EIPR1: variants seen among roughly 807,000 people sequenced by gnomAD.
EIPR1 encodes EARP and GARP complex-interacting protein 1.
In EIPR1, 25 loss-of-function variants were observed where a neutral mutation model predicts 48.1. The ratio of observed to expected loss-of-function variants is 0.52; its 90% confidence interval spans 0.38 to 0.73. EIPR1 has a LOEUF of 0.73. Among genes scored for constraint, EIPR1 ranks in the 30% least tolerant of loss-of-function variants. The probability of loss-of-function intolerance (pLI) is 0.00; values close to 1 mark genes in which losing one functional copy is unlikely to be tolerated. For synonymous variants in EIPR1, 204 were observed against 201.9 expected (o/e 1.01, Z -0.09); for missense variants, 415 against 506.2 (o/e 0.82, Z 1.73).
intron 4 of EIPR1, among the ~76,000 whole-genome samples, chr2:3,222,781 T>C (rs1665938753): frequency 6.6e-6 from 1 of 152,176 alleles, no homozygotes; most frequent in Non-Finnish European, 1.5e-5. Context: ...GATGACATCG[T>C]GGATTCGCTT....
intron 8 of EIPR1, among the ~76,000 whole-genome samples, chr2:3,191,665 G>C (rs976033766): frequency 1.3e-5 from 2 of 152,202 alleles, no homozygotes; most frequent in African/African-American, 2.4e-5. Context: ...CAACTGAATT[G>C]CATCTAGTCA....
chr2:3,217,272 A>G (rs961312281), intron 4 of EIPR1, among the ~76,000 whole-genome samples: 10 of 152,240 alleles, frequency 6.6e-5, no homozygotes, highest in African/African-American at 1.4e-4. Flanking sequence ...TCACAAAGCC[A>G]TAAGAGCAAC....
chr2:3,230,487 T>C (rs7593573), intron 4 of EIPR1, among the ~76,000 whole-genome samples: 10 of 152,240 alleles, frequency 6.6e-5, no homozygotes, highest in Non-Finnish European at 1.3e-4. Context: ...CACATGAGGT[T>C]AGGTGTAAAA....
At chr2:3,227,838 G>A (rs1458305654) in intron 4 of EIPR1, among the ~76,000 whole-genome samples, 1 of 152,252 alleles carries the variant, frequency 6.6e-6, no homozygotes, top group Non-Finnish European at 1.5e-5. Flanking sequence ...GCTTCAGAGG[G>A]TATAAGCCCC....
chr2:3,355,234 C>G (rs1449695361), intron 1 of EIPR1, among the ~76,000 whole-genome samples: 2 of 152,212 alleles, frequency 1.3e-5, no homozygotes, highest in African/African-American at 4.8e-5. Flanking sequence ...AGAGCTTTGA[C>G]AGACTCGTGG....
chr2:3,363,203 G>A (rs560916033), intron 1 of EIPR1, among the ~76,000 whole-genome samples: 1 of 152,000 alleles, frequency 6.6e-6, no homozygotes, highest in African/African-American at 2.4e-5. Context: ...AAAGACCAGC[G>A]ATCAAAAGAA....
In EIPR1 at chr2:3,326,356, CAG is replaced by C. The variant is rs1346286116; in HGVS notation, c.259+11659_259+11660del. 3.3e-5 allele frequency among the ~76,000 whole-genome samples: 5 copies of C among 152,276 alleles called. No homozygotes were observed. In the South Asian group the frequency reaches 6.2e-4, roughly 19 times the overall value. On this transcript the variant is annotated intron_variant, in intron 3 of 8. Coordinates refer to ENST00000382125, the MANE Select transcript of EIPR1 (RefSeq NM_003310.5). ...AGCCGGTAAGCAGCAGAGGGAAAAG[CAG>C]AGAGTCTAGGTTTTCCAGCCACCAA...
chr2:3,325,570 G>A (rs1669669293), intron 3 of EIPR1, among the ~76,000 whole-genome samples: 2 of 152,106 alleles, frequency 1.3e-5, no homozygotes, highest in South Asian at 2.1e-4. Flanking sequence ...CGAAAACAGA[G>A]CTTCTGTCCT....
intron 8 of EIPR1, among the ~76,000 whole-genome samples, chr2:3,192,182 T>C (rs1664628259): frequency 6.6e-6 from 1 of 152,180 alleles, no homozygotes; most frequent in Admixed American, 6.5e-5. Flanking sequence ...CAAACACAAA[T>C]AGATCTATTT....
chr2:3,324,763 G>A (rs1669641289), intron 3 of EIPR1, among the ~76,000 whole-genome samples: 2 of 152,214 alleles, frequency 1.3e-5, no homozygotes, highest in African/African-American at 4.8e-5. Flanking sequence ...CGTGGGCCCC[G>A]GTCACGCCGG....
chr2:3,222,659 T>C (rs1379896395), intron 4 of EIPR1, among the ~76,000 whole-genome samples: 1 of 152,196 alleles, frequency 6.6e-6, no homozygotes, highest in Non-Finnish European at 1.5e-5. Context: ...GAAGGTCACA[T>C]GGCACTTGAG....
chr2:3,310,609 C>G (rs915977760), intron 3 of EIPR1, among the ~76,000 whole-genome samples: 1 of 146,608 alleles, frequency 6.8e-6, no homozygotes, highest in Non-Finnish European at 1.5e-5. Flanking sequence ...GCCGAGATCC[C>G]GCCACTGCAC....
intron 1 of EIPR1, among the ~76,000 whole-genome samples, chr2:3,367,242 T>C (rs1317327445): frequency 6.6e-6 from 1 of 152,118 alleles, no homozygotes; most frequent in Non-Finnish European, 1.5e-5. Flanking sequence ...GTCTGTTTCC[T>C]CCTATGCTGT....
rs114265973 is a variant in EIPR1 at position 3,285,125 on chromosome 2, G to A, written c.260-27670C>T. ...TGCTCACTCCATCTCAGGGCAGGCC[G>A]GACAGTCCCCCGAGGTCAGCGAGCC... On this transcript the variant is annotated intron_variant, in intron 3 of 8. Transcript: ENST00000382125. Among the ~76,000 whole-genome samples the A allele has an allele frequency of 7.2e-3, 1,097 of 152,262 alleles. 13 individuals carry two copies. Among genetic ancestry groups the A allele is most frequent in the African/African-American group, 0.025 (1,058 of 41,546 alleles).
At chr2:3,210,433 C>T (rs1281489075) in intron 5 of EIPR1, among the ~76,000 whole-genome samples, 2 of 152,038 alleles carry the variant, frequency 1.3e-5, no homozygotes, top group Non-Finnish European at 2.9e-5. Context: ...GTCTGTGTTG[C>T]CACAGAGGAC....
intron 4 of EIPR1, among the ~76,000 whole-genome samples, chr2:3,254,489 G>A (rs570428315): frequency 5.9e-5 from 9 of 152,278 alleles, no homozygotes; most frequent in Middle Eastern, 3.4e-3. Flanking sequence ...ATATCCCGCC[G>A]CAGCAAAGAG....
chr2:3,252,400 G>C (rs2103210286), intron 4 of EIPR1, among the ~76,000 whole-genome samples: 1 of 152,302 alleles, frequency 6.6e-6, no homozygotes. Flanking sequence ...AGACCAGCCT[G>C]GCCAATATGG....
chr2:3,194,389 C>T (rs1189758610), intron 6 of EIPR1: 4 of 444,356 alleles, frequency 9.0e-6, no homozygotes, highest in Admixed American at 3.6e-5. Flanking sequence ...AGAAGCGTAT[C>T]TGTGACCCTC....
chr2:3,224,859 A>G (rs981821791), intron 4 of EIPR1, among the ~76,000 whole-genome samples: 5 of 152,146 alleles, frequency 3.3e-5, no homozygotes, highest in African/African-American at 1.2e-4. Context: ...GCCTACTCCA[A>G]GGGCTGCCTA....
Sources: gnomAD v4.1 joint callset for allele counts (sites outside exome capture counted in the v4.1 genomes callset) on GRCh38, gnomAD v4.1.1 for gene constraint, MANE v1.5 for transcripts, NCBI Gene and HGNC (gene_info 2026-07-23, HGNC 2026-07-21) for gene names.